The following POLQ variants were observed in gnomAD, a reference collection of about 807,000 sequenced individuals.
POLQ encodes epididymis secretory sperm binding protein.
Under a neutral mutation model 259.2 loss-of-function variants are expected in POLQ, and 233 were observed. That is an observed-to-expected ratio of 0.90 (90% CI 0.81 to 1.00). The LOEUF (loss-of-function observed/expected upper bound fraction) is 1.00. POLQ is among the 50% of genes least tolerant of loss of function. The probability of loss-of-function intolerance (pLI) is 0.00; values close to 1 mark genes in which losing one functional copy is unlikely to be tolerated. For synonymous variants in POLQ, 1,025 were observed against 1,048.8 expected (o/e 0.98, Z 0.44); for missense variants, 2,871 against 3,051.6 (o/e 0.94, Z 1.39).
At chr3:121,543,812 G>A (rs1381146390) in intron 2 of POLQ, among the ~76,000 whole-genome samples, 2 of 151,696 alleles carry the variant, frequency 1.3e-5, no homozygotes, top group East Asian at 1.9e-4. Context: ...GTGAAACCCC[G>A]TCTCTACTAA....
chr3:121,535,147 T>C (rs145733106), intron 5 of POLQ, among the ~76,000 whole-genome samples: 65 of 152,330 alleles, frequency 4.3e-4, no homozygotes, highest in Non-Finnish European at 7.2e-4. Flanking sequence ...AAGAGAGATG[T>C]GTTCAATTCT....
chr3:121,437,479 CAAATT>C (rs1465897680), intron 27 of POLQ, among the ~76,000 whole-genome samples: 1 of 152,162 alleles, frequency 6.6e-6, no homozygotes, highest in African/African-American at 2.4e-5. Context: ...CAAGGAAACA[CAAATT>C]AAAATTACAG....
chr3:121,515,214 G>A (rs2048286216), intron 9 of POLQ, among the ~76,000 whole-genome samples: 1 of 152,036 alleles, frequency 6.6e-6, no homozygotes. Context: ...TCACATAGGA[G>A]TGCAGTGGCA....
intron 15 of POLQ, 52 bp downstream of exon 15, chr3:121,493,426 T>A (rs1397195746): frequency 7.5e-7 from 1 of 1,337,108 alleles, no homozygotes. Context: ...ATTTTAAAAT[T>A]GACATTTTTT....
chr3:121,491,566 T>C (rs1224935445), intron 15 of POLQ, among the ~76,000 whole-genome samples: 1 of 151,980 alleles, frequency 6.6e-6, no homozygotes, highest in East Asian at 1.9e-4. Context: ...ACCCTGTAGG[T>C]TGGCTAAAAA....
At chr3:121,509,520 C>A in intron 12 of POLQ, 41 bp downstream of exon 12, 1 of 1,529,506 alleles carries the variant, frequency 6.5e-7, no homozygotes, top group Non-Finnish European at 8.9e-7. Context: ...CTATTTTTTT[C>A]TCCCTATTTT....
At position 121,432,260 on chromosome 3, in the gene POLQ, G is replaced by A. The variant is rs1235938815; in HGVS notation, c.*44C>T. The A allele has an allele frequency of 1.9e-6, 3 of 1,540,022 alleles. No individual in the cohort carries two copies. The highest frequency in any genetic ancestry group is 2.6e-6 in the Non-Finnish European group (3 of 1,147,980). On this transcript the variant is annotated 3_prime_UTR_variant, in exon 30 of 30. Coordinates refer to ENST00000264233, the MANE Select transcript of POLQ (RefSeq NM_199420.4). ...TAATCTCTGTTCTTTCCAGGTGACT[G>A]CATCTGCACAGGCTTCCCTGGGAGG...
chr3:121,465,911 C>T (rs1245502318), intron 24 of POLQ, among the ~76,000 whole-genome samples: 1 of 152,176 alleles, frequency 6.6e-6, no homozygotes, highest in Non-Finnish European at 1.5e-5. Context: ...TCGCATCTCT[C>T]TCACGTTAAA....
At chr3:121,519,063 T>C (rs941556807) in intron 9 of POLQ, among the ~76,000 whole-genome samples, 2 of 151,846 alleles carry the variant, frequency 1.3e-5, no homozygotes, top group East Asian at 3.9e-4. Context: ...TGAAAAGGTG[T>C]TTTTTCAGAG....
At chr3:121,534,863 G>A (rs186144172) in intron 5 of POLQ, among the ~76,000 whole-genome samples, 33 of 152,270 alleles carry the variant, frequency 2.2e-4, no homozygotes, top group African/African-American at 7.9e-4. Context: ...ATGTAGACAT[G>A]TCCTAGTTAT....
intron 7 of POLQ, among the ~76,000 whole-genome samples, chr3:121,528,686 C>T (rs181361196): frequency 7.9e-5 from 12 of 152,094 alleles, no homozygotes; most frequent in Non-Finnish European, 1.5e-4. Flanking sequence ...GGCACAGTGG[C>T]TCATGCCTGT....
At chr3:121,433,858 G>A (rs915043688) in intron 28 of POLQ, among the ~76,000 whole-genome samples, 5 of 152,162 alleles carry the variant, frequency 3.3e-5, no homozygotes, top group Non-Finnish European at 5.9e-5. Flanking sequence ...TCCAGCATGA[G>A]TAACATCTCC....
At position 121,432,382 on chromosome 3, in the gene POLQ, A is replaced by G; in HGVS notation, c.7695T>C (p.Ala2565=). The change falls in exon 30 of 30, where the codon GCT becomes GCC. Residue 2565 remains alanine, a synonymous_variant. Transcript: ENST00000264233. The part of the protein sequence containing the change: ...AQIVKNEMES[A]VKLSVKLKVK... ...CTTTCAATTTCACAGACAGTTTTAC[A>G]GCACTTTCCATTTCATTCTTGACAA... 1 of 1,610,278 alleles carries G rather than the reference A, an allele frequency of 6.2e-7. No individual in the cohort carries two copies. Among genetic ancestry groups the G allele is most frequent in the Non-Finnish European group, 8.5e-7 (1 of 1,178,208 alleles).
intron 15 of POLQ, among the ~76,000 whole-genome samples, chr3:121,491,923 A>C (rs950845199): frequency 2.6e-5 from 4 of 152,200 alleles, no homozygotes; most frequent in Non-Finnish European, 4.4e-5. Context: ...CAGCTGCAGG[A>C]AACCCTACTG....
chr3:121,432,473 A>G, intron 29 of POLQ, 56 bp from the exon 30 acceptor site: 2 of 1,563,920 alleles, frequency 1.3e-6, no homozygotes, highest in Non-Finnish European at 1.7e-6. Flanking sequence ...TGTTTCCCAA[A>G]CCATCCCCTG....
intron 24 of POLQ, among the ~76,000 whole-genome samples, chr3:121,467,252 A>G (rs180900441): frequency 6.6e-6 from 1 of 152,338 alleles, no homozygotes; most frequent in African/African-American, 2.4e-5. Context: ...GGACTTTGCA[A>G]AGAGGTTTAC....
chr3:121,489,461 T>C lies in POLQ; in HGVS notation c.3470A>G (p.Lys1157Arg), dbSNP rs769809819. The C allele has an allele frequency of 2.5e-6, 4 of 1,614,000 alleles. No homozygotes were observed. Among genetic ancestry groups the C allele is most frequent in the Non-Finnish European group, 3.4e-6 (4 of 1,179,928 alleles). Residue 1157 changes from lysine (K) to arginine (R), a missense_variant, in exon 16 of 30, where the codon AAG (lysine) becomes AGG (arginine). Transcript: ENST00000264233. ...TCQATSVVSE[K>R]GRGVAVEAEK... ...TGCCTCAACAGCTACTCCTCTGCCC[T>C]TTTCACTAACCACACTAGTGGCCTG...
intron 29 of POLQ, 122 bp downstream of exon 29, chr3:121,432,796 A>G (rs981845588): frequency 9.0e-5 from 60 of 670,090 alleles, no homozygotes; most frequent in Admixed American, 8.4e-4. Flanking sequence ...CTCAATATTT[A>G]TACAGCCATC....
At chr3:121,482,967 C>G (rs1304007642) in intron 18 of POLQ, among the ~76,000 whole-genome samples, 1 of 152,146 alleles carries the variant, frequency 6.6e-6, no homozygotes, top group African/African-American at 2.4e-5. Flanking sequence ...TGCTAAATGG[C>G]CACTAACTAC....
Sources: gnomAD v4.1 joint callset for allele counts (sites outside exome capture counted in the v4.1 genomes callset) on GRCh38, gnomAD v4.1.1 for gene constraint, MANE v1.5 for transcripts, NCBI Gene and HGNC (gene_info 2026-07-23, HGNC 2026-07-21) for gene names.